The following CADPS variants were observed in gnomAD, a reference collection of about 807,000 sequenced individuals.
CADPS encodes calcium-dependent secretion activator 1.
CADPS carries 57 observed loss-of-function variants against 167.3 expected under a neutral mutation model. That is an observed-to-expected ratio of 0.34 (90% CI 0.28 to 0.42). The LOEUF (loss-of-function observed/expected upper bound fraction) is 0.42. Among genes scored for constraint, CADPS ranks in the 20% least tolerant of loss-of-function variants. CADPS has a pLI of 1.00. For missense variants in CADPS, 1,414 were observed against 1,738.1 expected, an observed-to-expected ratio of 0.81 and a Z score of 3.32; for synonymous variants, 676 against 635.3, an observed-to-expected ratio of 1.06 and a Z score of -0.96.
intron 28 of CADPS, among the ~76,000 whole-genome samples, chr3:62,431,801 A>G (rs2054020050): frequency 6.6e-6 from 1 of 151,900 alleles, no homozygotes; most frequent in Admixed American, 6.6e-5. Context: ...CATGGGAAAT[A>G]GTGACCATTA....
intron 17 of CADPS, 42 bp from the exon 18 acceptor site, chr3:62,499,310 A>G: frequency 7.6e-7 from 1 of 1,313,318 alleles, no homozygotes; most frequent in Non-Finnish European, 1.1e-6. Flanking sequence ...CGAAAGTGGC[A>G]GGCTACTTTT....
intron 1 of CADPS, among the ~76,000 whole-genome samples, chr3:62,795,727 G>C (rs2093359017): frequency 6.6e-6 from 1 of 152,156 alleles, no homozygotes; most frequent in South Asian, 2.1e-4. Flanking sequence ...GCCACATGTG[G>C]ACAGATGATT....
chr3:62,619,830 T>C (rs2062886006), intron 6 of CADPS, among the ~76,000 whole-genome samples: 1 of 152,196 alleles, frequency 6.6e-6, no homozygotes, highest in Non-Finnish European at 1.5e-5. Flanking sequence ...TTCAATGTAC[T>C]GTGTTTTCTT....
At chr3:62,731,073 G>A (rs2077680280) in intron 3 of CADPS, among the ~76,000 whole-genome samples, 1 of 152,230 alleles carries the variant, frequency 6.6e-6, no homozygotes, top group Admixed American at 6.5e-5. Flanking sequence ...CTATGTTGGA[G>A]AGGAGAGAGG....
chr3:62,781,178 A>G (rs1348447240), intron 1 of CADPS, among the ~76,000 whole-genome samples: 1 of 152,160 alleles, frequency 6.6e-6, no homozygotes, highest in Non-Finnish European at 1.5e-5. Context: ...AAACATAACC[A>G]GGAGACTTGT....
At chr3:62,650,754 T>C in intron 5 of CADPS, 93 bp downstream of exon 5, 2 of 855,118 alleles carry the variant, frequency 2.3e-6, no homozygotes, top group Non-Finnish European at 3.8e-6. Flanking sequence ...GCTCCTGGGG[T>C]GCAACAGAAA....
chr3:62,594,296 G>A (rs970196959), intron 6 of CADPS, among the ~76,000 whole-genome samples: 13 of 150,182 alleles, frequency 8.7e-5, no homozygotes, highest in African/African-American at 3.2e-4. Context: ...CAAGTAGCTG[G>A]GACTACAGGC....
intron 4 of CADPS, among the ~76,000 whole-genome samples, chr3:62,657,239 C>T (rs1476364190): frequency 6.6e-6 from 1 of 152,136 alleles, no homozygotes; most frequent in African/African-American, 2.4e-5. Flanking sequence ...AGGATATGAG[C>T]TACTAATTGT....
chr3:62,695,534 G>C (rs1423276317), intron 3 of CADPS, among the ~76,000 whole-genome samples: 1 of 152,078 alleles, frequency 6.6e-6, no homozygotes, highest in African/African-American at 2.4e-5. Context: ...TCCTCTCTAA[G>C]GGTTGGTACC....
intron 3 of CADPS, among the ~76,000 whole-genome samples, chr3:62,714,541 G>T (rs1235024686): frequency 6.6e-6 from 1 of 152,156 alleles, no homozygotes; most frequent in Non-Finnish European, 1.5e-5. Context: ...GTGAAGGGAG[G>T]AAGGTCATTT....
At position 62,474,163 on chromosome 3, in the gene CADPS, T is replaced by TTTTTTTTTTTTTTTTTTTTTTC. The variant is rs755374403; in HGVS notation, c.3477+9_3477+10insGAAAAAAAAAAAAAAAAAAAAA. On this transcript the variant is annotated intron_variant, in intron 24 of 29. Coordinates refer to ENST00000383710, the MANE Select transcript of CADPS (RefSeq NM_003716.4). ...GAAAAAAAAATCTGTATTTTTTTTT[T>TTTTTTTTTTTTTTTTTTTTTTC]TTTTTTTACCTCTTGGCCCATTTCC... is the stretch of plus-strand genomic sequence containing the variant. 1 of 1,402,006 alleles carries TTTTTTTTTTTTTTTTTTTTTTC rather than the reference T, an allele frequency of 7.1e-7. No individual in the cohort carries two copies. Among genetic ancestry groups the TTTTTTTTTTTTTTTTTTTTTTC allele is most frequent in the Non-Finnish European group, 9.4e-7 (1 of 1,066,556 alleles). 86.8% of individuals were successfully genotyped at this position (1,402,006 alleles called of 1,614,324 possible).
chr3:62,436,826 A>C (rs2055160873), intron 28 of CADPS, among the ~76,000 whole-genome samples: 1 of 152,088 alleles, frequency 6.6e-6, no homozygotes, highest in Non-Finnish European at 1.5e-5. Context: ...CAGGGGAAAG[A>C]GGGGTATCAA....
At chr3:62,861,729 G>A (rs2080836320) in intron 1 of CADPS, among the ~76,000 whole-genome samples, 1 of 152,182 alleles carries the variant, frequency 6.6e-6, no homozygotes, top group Admixed American at 6.5e-5. Context: ...ACAGTGTGAA[G>A]TCTCCCACTC....
chr3:62,811,547 A>G (rs1287697007), intron 1 of CADPS, among the ~76,000 whole-genome samples: 1 of 152,224 alleles, frequency 6.6e-6, no homozygotes, highest in East Asian at 1.9e-4. Flanking sequence ...ATAAAGTCTT[A>G]TCTCAATCCT....
chr3:62,633,413 C>A (rs1184008202), intron 6 of CADPS, among the ~76,000 whole-genome samples: 2 of 152,150 alleles, frequency 1.3e-5, no homozygotes, highest in African/African-American at 4.8e-5. Context: ...GGACATAAAA[C>A]CCAAGCCTCC....
At chr3:62,845,638 G>A (rs1478575476) in intron 1 of CADPS, among the ~76,000 whole-genome samples, 1 of 152,090 alleles carries the variant, frequency 6.6e-6, no homozygotes, top group African/African-American at 2.4e-5. Flanking sequence ...TTTGGCATGT[G>A]ATTTGTTGAT....
intron 10 of CADPS, chr3:62,550,711 A>G (rs1577616770): frequency 2.3e-6 from 1 of 435,852 alleles, no homozygotes; most frequent in East Asian, 7.1e-5. Flanking sequence ...CTGCCTTACA[A>G]CCCCTCCAAT....
intron 2 of CADPS, among the ~76,000 whole-genome samples, chr3:62,763,181 C>T (rs1168540008): frequency 3.3e-5 from 5 of 152,192 alleles, no homozygotes; most frequent in African/African-American, 1.2e-4. Context: ...CCCCCATCCA[C>T]TGTGACTGAC....
At chr3:62,686,969 G>T (rs933697689) in intron 3 of CADPS, among the ~76,000 whole-genome samples, 1 of 152,100 alleles carries the variant, frequency 6.6e-6, no homozygotes, top group Non-Finnish European at 1.5e-5. Context: ...CCTCATGCTA[G>T]TTCTTACTAA....
Sources: gnomAD v4.1 joint callset for allele counts (sites outside exome capture counted in the v4.1 genomes callset) on GRCh38, gnomAD v4.1.1 for gene constraint, MANE v1.5 for transcripts, NCBI Gene and HGNC (gene_info 2026-07-23, HGNC 2026-07-21) for gene names.